FAM178B: variants seen among roughly 807,000 people sequenced by gnomAD.
FAM178B encodes protein FAM178B.
In FAM178B, 82 loss-of-function variants were observed where a neutral mutation model predicts 91.7. The ratio of observed to expected loss-of-function variants is 0.89; its 90% CI spans 0.75 to 1.07. FAM178B has a LOEUF of 1.07. FAM178B is among the 50% of genes least tolerant of loss of function. The pLI is 0.00. For synonymous variants in FAM178B, 368 were observed against 359.4 expected, an observed-to-expected ratio of 1.02 and a Z score of -0.27; for missense variants, 769 against 846.7, an observed-to-expected ratio of 0.91 and a Z score of 1.14.
At chr2:96,891,283 G>T (rs553971720) in intron 14 of FAM178B, among the ~76,000 whole-genome samples, 11 of 152,308 alleles carry the variant, frequency 7.2e-5, no homozygotes, top group Admixed American at 7.2e-4. Flanking sequence ...TCTGCCACAT[G>T]CAGGTAATAC....
At chr2:96,898,402 C>T (rs1396277256) in intron 13 of FAM178B, among the ~76,000 whole-genome samples, 1 of 152,206 alleles carries the variant, frequency 6.6e-6, no homozygotes, top group Non-Finnish European at 1.5e-5. Flanking sequence ...TGCCTGTAAT[C>T]TCAGCACTTT....
At chr2:96,896,832 T>A (rs2080833731) in intron 13 of FAM178B, among the ~76,000 whole-genome samples, 1 of 152,074 alleles carries the variant, frequency 6.6e-6, no homozygotes, top group African/African-American at 2.4e-5. Flanking sequence ...ACACCCACCT[T>A]CTCAGTGAGG....
At chr2:96,960,558 G>T in intron 5 of FAM178B, 118 bp from the exon 6 acceptor site, 1 of 1,243,192 alleles carries the variant, frequency 8.0e-7, no homozygotes, top group Non-Finnish European at 1.1e-6. Flanking sequence ...TGCAGTCCTT[G>T]CGGCAAACCA....
chr2:96,938,309 G>A (rs1460113151), intron 8 of FAM178B, among the ~76,000 whole-genome samples: 1 of 152,166 alleles, frequency 6.6e-6, no homozygotes, highest in Non-Finnish European at 1.5e-5. Flanking sequence ...GGCCTCACGA[G>A]CTACTAATGG....
intron 14 of FAM178B, among the ~76,000 whole-genome samples, chr2:96,886,984 G>T (rs1234720493): frequency 6.6e-6 from 1 of 152,208 alleles, no homozygotes; most frequent in African/African-American, 2.4e-5. Flanking sequence ...GGAGGCAGAG[G>T]CGGGCGGATC....
chr2:96,889,491 C>T (rs1203999622), intron 14 of FAM178B, among the ~76,000 whole-genome samples: 1 of 151,756 alleles, frequency 6.6e-6, no homozygotes, highest in Non-Finnish European at 1.5e-5. Context: ...CCAGCCCGGC[C>T]AACATGGTGA....
intron 8 of FAM178B, among the ~76,000 whole-genome samples, chr2:96,936,512 G>T (rs1218622949): frequency 2.3e-5 from 3 of 133,202 alleles, no homozygotes; most frequent in Non-Finnish European, 1.5e-5. Flanking sequence ...TTTTTTTTTG[G>T]TTGTTTTTTT....
At chr2:96,911,756 G>A (rs2081163113) in intron 12 of FAM178B, among the ~76,000 whole-genome samples, 1 of 152,120 alleles carries the variant, frequency 6.6e-6, no homozygotes. Flanking sequence ...CACTGTGGGA[G>A]ATTGGGGAGC....
At chr2:96,984,683 C>A (rs994538446) in intron 1 of FAM178B, among the ~76,000 whole-genome samples, 1 of 152,212 alleles carries the variant, frequency 6.6e-6, no homozygotes, top group Non-Finnish European at 1.5e-5. Flanking sequence ...ATGCAGCTAC[C>A]AGCTGTTTCT....
chr2:96,961,446 C>T (rs188384321), intron 5 of FAM178B, among the ~76,000 whole-genome samples: 3 of 152,244 alleles, frequency 2.0e-5, no homozygotes, highest in Admixed American at 2.0e-4. Context: ...GAGGGTCATC[C>T]CAGGGAGCAG....
intron 12 of FAM178B, among the ~76,000 whole-genome samples, chr2:96,911,553 G>A (rs1423884011): frequency 6.6e-6 from 1 of 152,230 alleles, no homozygotes; most frequent in East Asian, 1.9e-4. Context: ...GAGGGGGAAA[G>A]TCTGAAAGAT....
rs746544555 is a variant in FAM178B at position 96,878,052 on chromosome 2, C to T, written c.1855-10G>A. 18 of 1,605,816 alleles carry T rather than the reference C, an allele frequency of 1.1e-5. No homozygotes were observed. Among genetic ancestry groups the T allele is most frequent in the East Asian group, 4.5e-5 (2 of 44,900 alleles). ...GCAGCTGCAGCTCGCCCTGTGGAGG[C>T]GGAGGGAGGCCAAGAAGCGGGTGTA... On this transcript the variant is annotated splice_polypyrimidine_tract_variant and intron_variant, in intron 15 of 16. Transcript: ENST00000490605.
intron 13 of FAM178B, chr2:96,898,185 G>A (rs1288617279): frequency 6.5e-6 from 6 of 923,634 alleles, no homozygotes; most frequent in Non-Finnish European, 7.8e-6. Flanking sequence ...CTTGTGCACT[G>A]ATGAGGAAAG....
intron 8 of FAM178B, among the ~76,000 whole-genome samples, chr2:96,933,864 T>G (rs535237563): frequency 6.6e-6 from 1 of 152,168 alleles, no homozygotes; most frequent in Non-Finnish European, 1.5e-5. Flanking sequence ...AAGCTACCCA[T>G]CCCACTGAGT....
chr2:96,986,029 G>T (rs570131030), intron 1 of FAM178B, among the ~76,000 whole-genome samples: 47 of 152,336 alleles, frequency 3.1e-4, no homozygotes, highest in African/African-American at 1.1e-3. Context: ...CACCAAGGCC[G>T]GCCGCGCAGT....
At chr2:96,922,522 GTA>G (rs2081359736) in intron 10 of FAM178B, among the ~76,000 whole-genome samples, 1 of 152,074 alleles carries the variant, frequency 6.6e-6, no homozygotes, top group Non-Finnish European at 1.5e-5. Context: ...ACTAATTATT[GTA>G]TGTTTAGTAG....
chr2:96,884,999 GGCCAGAGAGCAGACGTCTTA>G (rs1476405791), intron 14 of FAM178B, among the ~76,000 whole-genome samples: 14 of 152,242 alleles, frequency 9.2e-5, no homozygotes, highest in African/African-American at 1.9e-4. Context: ...AGGGCCAAGA[GGCCAGAGAGCAGACGTCTTA>G]GCCAGAGAGC....
intron 13 of FAM178B, among the ~76,000 whole-genome samples, chr2:96,898,571 C>G (rs1236172857): frequency 6.6e-6 from 1 of 152,174 alleles, no homozygotes; most frequent in Non-Finnish European, 1.5e-5. Flanking sequence ...GGAGGATCAC[C>G]TGAGCCAGGG....
intron 1 of FAM178B, among the ~76,000 whole-genome samples, chr2:96,978,625 CTTCT>C (rs1420783933): frequency 1.9e-5 from 2 of 104,444 alleles, no homozygotes; most frequent in Admixed American, 9.9e-5. Flanking sequence ...GATATGATTT[CTTCT>C]TTTTTTTTTT....
Sources: allele counts gnomAD v4.1 joint callset (sites outside exome capture counted in the v4.1 genomes callset), GRCh38; gene constraint gnomAD v4.1.1; transcripts MANE v1.5; gene names NCBI Gene and HGNC (gene_info 2026-07-23, HGNC 2026-07-21).